The following WWOX variants were observed in gnomAD, a reference collection of about 807,000 sequenced individuals.
The protein encoded by WWOX is WW domain-containing oxidoreductase.
WWOX carries 69 observed loss-of-function variants against 46.2 expected under a neutral mutation model. That is an observed-to-expected ratio of 1.49 (90% CI 1.23 to 1.82). The LOEUF (loss-of-function observed/expected upper bound fraction) is 1.82. Ranked by LOEUF, WWOX falls within the 40% of genes most tolerant of loss-of-function variation. WWOX has a pLI of 0.00. For synonymous variants in WWOX, 359 were observed against 202.6 expected (o/e 1.77, Z -6.56); for missense variants, 919 against 542.6 (o/e 1.69, Z -6.89).
chr16:78,820,602 A>T (rs188612112), intron 8 of WWOX, among the ~76,000 whole-genome samples: 3 of 151,958 alleles, frequency 2.0e-5, no homozygotes, highest in African/African-American at 7.3e-5. Flanking sequence ...TATAATGACA[A>T]CCTTGGTGAA....
chr16:78,410,128 C>G (rs2082643816), intron 6 of WWOX, among the ~76,000 whole-genome samples: 1 of 152,156 alleles, frequency 6.6e-6, no homozygotes, highest in African/African-American at 2.4e-5. Flanking sequence ...GTTGCTCTTG[C>G]CCTCACCATG....
At chr16:79,047,741 C>T (rs537406458) in intron 8 of WWOX, among the ~76,000 whole-genome samples, 1 of 121,740 alleles carries the variant, frequency 8.2e-6, no homozygotes, top group African/African-American at 3.2e-5. Context: ...TGGAAGGTAA[C>T]GTCACAGGGC....
intron 8 of WWOX, among the ~76,000 whole-genome samples, chr16:78,579,325 A>G (rs897182926): frequency 6.6e-6 from 1 of 152,184 alleles, no homozygotes; most frequent in Non-Finnish European, 1.5e-5. Context: ...GTGATATGGA[A>G]TAAGAGTGAG....
At chr16:78,753,825 A>ATATATATAT (rs1290082739) in intron 8 of WWOX, among the ~76,000 whole-genome samples, 1 of 21,360 alleles carries the variant, frequency 4.7e-5, no homozygotes, top group Non-Finnish European at 1.2e-4. Context: ...AAAAAAAAAA[A>ATATATATAT]ATATATATAT....
chr16:78,753,018 G>A lies in WWOX; in HGVS notation c.1056+320266G>A, dbSNP rs907197790. ...TGATTTCAGTAATCTCTTAGGGCTG[G>A]GCACGGTAGCTCACGCCTATAATCC... On this transcript the variant is annotated intron_variant, in intron 8 of 8. Coordinates refer to ENST00000566780, the MANE Select transcript of WWOX (RefSeq NM_016373.4). 3.9e-5 allele frequency among the ~76,000 whole-genome samples: 6 copies of A among 152,286 alleles called. 1 individual carries two copies. Among genetic ancestry groups the A allele is most frequent in the African/African-American group, 1.4e-4 (6 of 41,552 alleles).
chr16:78,403,941 T>G (rs1409168954), intron 6 of WWOX, among the ~76,000 whole-genome samples: 2 of 152,176 alleles, frequency 1.3e-5, no homozygotes, highest in Non-Finnish European at 2.9e-5. Flanking sequence ...GAGCAGGGTT[T>G]TCCAAAGTTC....
At chr16:78,181,204 A>G (rs1347693963) in intron 5 of WWOX, among the ~76,000 whole-genome samples, 2 of 152,104 alleles carry the variant, frequency 1.3e-5, no homozygotes, top group African/African-American at 4.8e-5. Context: ...AGAGAGAGAC[A>G]GAAGGAGAGA....
chr16:78,757,759 T>A (rs1443104273), intron 8 of WWOX, among the ~76,000 whole-genome samples: 2 of 151,940 alleles, frequency 1.3e-5, no homozygotes, highest in African/African-American at 4.8e-5. Context: ...AAATAATCTT[T>A]CTGATTGACA....
chr16:78,788,013 T>G (rs1022459460), intron 8 of WWOX, among the ~76,000 whole-genome samples: 2 of 152,234 alleles, frequency 1.3e-5, no homozygotes, highest in Non-Finnish European at 1.5e-5. Context: ...GTTGTTGAGT[T>G]GTAAAAGTTG....
At chr16:79,208,565 A>G (rs748388783) in intron 8 of WWOX, among the ~76,000 whole-genome samples, 4 of 152,160 alleles carry the variant, frequency 2.6e-5, no homozygotes, top group Middle Eastern at 3.2e-3. Flanking sequence ...TTTCTGCATT[A>G]TGAACTGATG....
At chr16:78,733,611 C>A (rs1221997392) in intron 8 of WWOX, among the ~76,000 whole-genome samples, 1 of 151,278 alleles carries the variant, frequency 6.6e-6, no homozygotes, top group African/African-American at 2.4e-5. Context: ...AAAAATTAGC[C>A]GGGTATGGTG....
At chr16:78,844,245 C>T (rs1285145713) in intron 8 of WWOX, among the ~76,000 whole-genome samples, 2 of 152,160 alleles carry the variant, frequency 1.3e-5, no homozygotes, top group African/African-American at 4.8e-5. Flanking sequence ...CCAAGAGAGG[C>T]CCTCTAAACC....
chr16:78,892,139 A>G (rs1254913871), intron 8 of WWOX: 1 of 152,136 alleles, frequency 6.6e-6, no homozygotes, highest in East Asian at 1.9e-4. Flanking sequence ...TCTGTTTCAT[A>G]CTAATTTTCT....
At chr16:78,497,966 G>A (rs1317093666) in intron 8 of WWOX, among the ~76,000 whole-genome samples, 1 of 152,214 alleles carries the variant, frequency 6.6e-6, no homozygotes, top group South Asian at 2.1e-4. Flanking sequence ...ACTTTGGGAG[G>A]CCGAGGTGGG....
At chr16:78,961,453 A>G (rs113401065) in intron 8 of WWOX, among the ~76,000 whole-genome samples, 6,226 of 151,794 alleles carry the variant, frequency 0.041, 432 homozygotes, top group African/African-American at 0.14. Flanking sequence ...GGATGGATGG[A>G]TGGGTGGATG....
intron 8 of WWOX, among the ~76,000 whole-genome samples, chr16:79,189,662 T>A (rs1339021329): frequency 6.6e-6 from 1 of 151,854 alleles, no homozygotes; most frequent in Non-Finnish European, 1.5e-5. Flanking sequence ...TCTAAGGGGT[T>A]TGAGGTTATC....
chr16:79,062,403 G>A (rs555818684), intron 8 of WWOX, among the ~76,000 whole-genome samples: 4 of 151,732 alleles, frequency 2.6e-5, no homozygotes, highest in Non-Finnish European at 5.9e-5. Context: ...TTTCCATAGG[G>A]AAGGCAGAGA....
intron 8 of WWOX, among the ~76,000 whole-genome samples, chr16:78,689,887 G>T (rs184305739): frequency 3.9e-5 from 6 of 152,082 alleles, no homozygotes; most frequent in Admixed American, 3.9e-4. Context: ...TGGAGACAGG[G>T]TCTCACTCTG....
At chr16:78,836,768 T>C (rs547755901) in intron 8 of WWOX, among the ~76,000 whole-genome samples, 2 of 152,308 alleles carry the variant, frequency 1.3e-5, no homozygotes, top group East Asian at 3.9e-4. Flanking sequence ...TCTGACCTAA[T>C]TTCTGATCTC....
Sources: gnomAD v4.1 joint callset for allele counts (sites outside exome capture counted in the v4.1 genomes callset) on GRCh38, gnomAD v4.1.1 for gene constraint, MANE v1.5 for transcripts, NCBI Gene and HGNC (gene_info 2026-07-23, HGNC 2026-07-21) for gene names.